Variants in RGPD4 observed in about 807,000 individuals in gnomAD.
RGPD4 encodes the protein RANBP2 like and GRIP domain containing 4, also known as ranBP2-like and GRIP domain-containing protein 4.
A neutral mutation model predicts 141.1 loss-of-function variants in RGPD4; 84 were observed. The observed-to-expected ratio is 0.60, with a 90% CI of 0.50 to 0.71. The LOEUF (loss-of-function observed/expected upper bound fraction) is 0.71. RGPD4 is among the 30% of genes least tolerant of loss of function. The pLI, the probability that RGPD4 is intolerant of heterozygous loss-of-function variation, is 0.00. For missense variants in RGPD4, 918 were observed against 1,622.4 expected, an observed-to-expected ratio of 0.57 and a Z score of 7.46; for synonymous variants, 298 against 566.8, an observed-to-expected ratio of 0.53 and a Z score of 6.74.
At chr2:107,854,213 G>T (rs559653466) in intron 7 of RGPD4, among the ~76,000 whole-genome samples, 1 of 140,018 alleles carries the variant, frequency 7.1e-6, no homozygotes, top group Non-Finnish European at 1.5e-5. Context: ...GTGCCACCAC[G>T]CCTGGCTCTT....
At chr2:107,832,779 G>C (rs541480267) in intron 1 of RGPD4, among the ~76,000 whole-genome samples, 2 of 151,866 alleles carry the variant, frequency 1.3e-5, no homozygotes, top group East Asian at 3.9e-4. Flanking sequence ...CCATTTTCTA[G>C]AAGTTCTGTT....
Position 107,852,839 on chromosome 2 carries a change from G to GTA in RGPD4, c.979-1710_979-1709dup, listed in dbSNP as rs1224365221. ...GTATCTTGGAGATGTTTCCATGTCAGTATATATAAAGGGTATTCTCATTAG... is the reference window on the plus strand; with the variant it reads ...GTATCTTGGAGATGTTTCCATGTCAGTATATATATAAAGGGTATTCTCATTAG... On this transcript the variant is annotated intron_variant, in intron 7 of 22. Coordinates refer to ENST00000408999, the MANE Select transcript of RGPD4 (RefSeq NM_182588.3). Among the ~76,000 whole-genome samples the GTA allele has an allele frequency of 4.7e-3, 528 of 112,104 alleles. 6 individuals carry two copies. The highest frequency in any genetic ancestry group is 0.019 in the African/African-American group (499 of 26,442). The allele number at this position is 112,104 out of a possible 152,430, so 73.5% of individuals were successfully genotyped here.
intron 9 of RGPD4, among the ~76,000 whole-genome samples, chr2:107,858,440 T>TTTCTA (rs1259209510): frequency 6.6e-6 from 1 of 151,114 alleles, no homozygotes; most frequent in East Asian, 1.9e-4. Flanking sequence ...TTTCTTTTCT[T>TTTCTA]TTCTTTTCTT....
intron 22 of RGPD4, among the ~76,000 whole-genome samples, chr2:107,886,280 T>A (rs1415705932): frequency 2.1e-5 from 2 of 96,000 alleles, no homozygotes; most frequent in Admixed American, 1.0e-4. Flanking sequence ...AAAAACCCAA[T>A]AAAATCTCAA....
At position 107,880,104 on chromosome 2, in the gene RGPD4, T is replaced by A; in HGVS notation, c.5061T>A (p.Ile1687=). 1 of 1,611,402 alleles carries A rather than the reference T, an allele frequency of 6.2e-7. No homozygotes were observed. Among genetic ancestry groups the A allele is most frequent in the East Asian group, 2.2e-5 (1 of 44,864 alleles). Residue 1687 remains isoleucine, a synonymous_variant, in exon 21 of 23, where the codon ATT becomes ATA. Transcript: ENST00000408999. Reference sequence around the variant, plus strand: ...CCAGTGCAGTCCTTATGGAGCAAATTAAGGTGAGATCAGAAAACCTGGCCA... The same window carrying A: ...CCAGTGCAGTCCTTATGGAGCAAATAAAGGTGAGATCAGAAAACCTGGCCA... The part of the protein sequence containing the change: ...EATSAVLMEQ[I]KLLKSEIRRL...
Position 107,859,507 on chromosome 2 carries a change from A to C in RGPD4, c.1587A>C (p.Gln529His). The C allele has an allele frequency of 1.9e-6, 3 of 1,611,398 alleles. No individual in the cohort carries two copies. The highest frequency in any genetic ancestry group is 2.2e-5 in the South Asian group (2 of 90,974). Residue 529 changes from glutamine (Q) to histidine (H), a missense_variant, in exon 11 of 23, where the codon CAA becomes CAC. Coordinates refer to ENST00000408999, the MANE Select transcript of RGPD4 (RefSeq NM_182588.3). ...PVCKQLCTER[Q>H]KSWWDAVCTL... is the part of the protein sequence containing the mutation. ...GTAAACAGCTTTGTACAGAAAGACA[A>C]AAATCTTGGTGGGATGCGGTTTGTA... is the stretch of plus-strand genomic sequence containing the variant.
chr2:107,883,113 G>C (rs1279055369), intron 22 of RGPD4: 1 of 645,970 alleles, frequency 1.5e-6, no homozygotes, highest in Non-Finnish European at 2.8e-6. Context: ...TGATCTTCTA[G>C]CTCTTTGAAA....
At chr2:107,873,500 G>T (rs1417689980) in intron 20 of RGPD4, among the ~76,000 whole-genome samples, 3 of 146,384 alleles carry the variant, frequency 2.0e-5, no homozygotes, top group African/African-American at 7.7e-5. Context: ...CTTGAGCACA[G>T]GAGATGGAGG....
At position 107,866,886 on chromosome 2, in the gene RGPD4, A is replaced by T. The variant is rs537649677; in HGVS notation, c.2605+561A>T. Among the ~76,000 whole-genome samples, 316 of 149,252 alleles carry T rather than the reference A, an allele frequency of 2.1e-3. 5 individuals carry two copies. Among genetic ancestry groups the T allele is most frequent in the African/African-American group, 7.7e-3 (308 of 40,146 alleles). On this transcript the variant is annotated intron_variant, in intron 18 of 22. Coordinates refer to ENST00000408999, the MANE Select transcript of RGPD4 (RefSeq NM_182588.3). ...ACATAATTACTATGAGCATTTGTGT[A>T]TGTGCAGGTGGGCATGGGTGTGTAT...
intron 22 of RGPD4, among the ~76,000 whole-genome samples, chr2:107,884,865 C>T (rs1176344119): frequency 1.3e-5 from 2 of 152,144 alleles, no homozygotes. Flanking sequence ...GTTGCTGATA[C>T]TTCTGGTCTG....
At chr2:107,883,337 A>C in intron 22 of RGPD4, 1 of 337,186 alleles carries the variant, frequency 3.0e-6, no homozygotes, top group African/African-American at 2.2e-5. Flanking sequence ...GCAGTTTTAA[A>C]ACTGTGCCAT....
At position 107,854,212 on chromosome 2, in the gene RGPD4, C is replaced by T. The variant is rs541485573; in HGVS notation, c.979-344C>T. Among the ~76,000 whole-genome samples the T allele has an allele frequency of 8.6e-5, 12 of 139,756 alleles. No individual in the cohort carries two copies. The East Asian group carries it at 1.2e-3, about 14-fold the overall frequency. 91.7% of individuals were successfully genotyped at this position (139,756 alleles called of 152,430 possible). On this transcript the variant is annotated intron_variant, in intron 7 of 22. Coordinates refer to ENST00000408999, the MANE Select transcript of RGPD4 (RefSeq NM_182588.3). ...TGGAATTAACAGGTGTGTGCCACCA[C>T]GCCTGGCTCTTTGTTTTTTTTTTTT... is the stretch of plus-strand genomic sequence containing the variant.
intron 20 of RGPD4, among the ~76,000 whole-genome samples, chr2:107,873,609 T>G (rs1683007393): frequency 6.6e-6 from 1 of 150,694 alleles, no homozygotes; most frequent in South Asian, 2.1e-4. Flanking sequence ...AATATGATAT[T>G]GAGATGTTCT....
At chr2:107,885,118 T>G (rs1275336486) in intron 22 of RGPD4, among the ~76,000 whole-genome samples, 1 of 152,106 alleles carries the variant, frequency 6.6e-6, no homozygotes, top group African/African-American at 2.4e-5. Flanking sequence ...GAATACATCA[T>G]GTATATTTTT....
chr2:107,860,092 ATAAT>A (rs1218249223), intron 12 of RGPD4, among the ~76,000 whole-genome samples: 1 of 49,620 alleles, frequency 2.0e-5, no homozygotes, highest in Non-Finnish European at 3.9e-5. Flanking sequence ...TTAAGTTCTG[ATAAT>A]TATTTAGCCT....
At chr2:107,832,877 T>C (rs1054531796) in intron 1 of RGPD4, among the ~76,000 whole-genome samples, 1 of 151,348 alleles carries the variant, frequency 6.6e-6, no homozygotes, top group African/African-American at 2.4e-5. Flanking sequence ...CTTTCAGTTC[T>C]GTAGCATTTC....
rs905456291 is a variant in RGPD4, at chr2:107,854,701, A to G, written c.1066+58A>G. ...AAGAAAAAGGAATTTCTGTTAAGGC[A>G]TATCTTATGATAAAATCTCCATCTG... is the stretch of plus-strand genomic sequence containing the variant. On this transcript the variant is annotated intron_variant, in intron 8 of 22. Transcript: ENST00000408999. 6.3e-5 allele frequency: 98 copies of G among 1,565,844 alleles called. 2 individuals are homozygous for G. The highest frequency in any genetic ancestry group is 8.3e-5 in the Non-Finnish European group (96 of 1,156,964).
chr2:107,852,199 CCACTGCAG>C (rs1230493530), intron 7 of RGPD4, among the ~76,000 whole-genome samples: 8 of 141,786 alleles, frequency 5.6e-5, no homozygotes, highest in African/African-American at 1.6e-4. Context: ...CGAGATCGTG[CCACTGCAG>C]CACTGCAGCA....
At chr2:107,855,471 C>G (rs2104447434) in intron 8 of RGPD4, among the ~76,000 whole-genome samples, 1 of 152,016 alleles carries the variant, frequency 6.6e-6, no homozygotes, top group South Asian at 2.1e-4. Flanking sequence ...TCATAAGTGC[C>G]TTTGCGTGGT....
Sources: allele counts gnomAD v4.1 joint callset (sites outside exome capture counted in the v4.1 genomes callset), GRCh38; gene constraint gnomAD v4.1.1; transcripts MANE v1.5; gene names NCBI Gene and HGNC (gene_info 2026-07-23, HGNC 2026-07-21).